The following TYW1B variants were observed in gnomAD, a reference collection of about 807,000 sequenced individuals.
The protein encoded by TYW1B is tRNA-yW synthesizing protein 1 homolog B, also known as S-adenosyl-L-methionine-dependent tRNA 4-demethylwyosine synthase TYW1B.
TYW1B carries 73 observed loss-of-function variants against 86.9 expected under a neutral mutation model. The ratio of observed to expected loss-of-function variants is 0.84; its 90% CI spans 0.70 to 1.02. TYW1B has a LOEUF of 1.02. TYW1B is among the 50% of genes least tolerant of loss of function. The pLI is 0.00. For synonymous variants in TYW1B, 248 were observed against 292.8 expected, an observed-to-expected ratio of 0.85 and a Z score of 1.56; for missense variants, 637 against 827.4, an observed-to-expected ratio of 0.77 and a Z score of 2.82.
intron 6 of TYW1B, among the ~76,000 whole-genome samples, chr7:72,783,926 TG>T (rs1788088259): frequency 6.6e-6 from 1 of 152,214 alleles, no homozygotes; most frequent in African/African-American, 2.4e-5. Flanking sequence ...ACTAGCTTCC[TG>T]TTATTCCACT....
chr7:72,741,223 G>A (rs542373928), intron 8 of TYW1B, among the ~76,000 whole-genome samples: 1 of 152,196 alleles, frequency 6.6e-6, no homozygotes, highest in South Asian at 2.1e-4. Context: ...ACAAAGAGAT[G>A]AAGGAAACCA....
chr7:72,814,136 C>G (rs1375431455), intron 3 of TYW1B, among the ~76,000 whole-genome samples: 1 of 152,062 alleles, frequency 6.6e-6, no homozygotes, highest in South Asian at 2.1e-4. Flanking sequence ...CATGGCCTAC[C>G]AGCATAGCAC....
At chr7:72,676,235 C>T (rs1813732151) in intron 11 of TYW1B, among the ~76,000 whole-genome samples, 1 of 152,096 alleles carries the variant, frequency 6.6e-6, no homozygotes, top group Admixed American at 6.6e-5. Flanking sequence ...CTTCAATTTC[C>T]TCGTCTGTAA....
intron 11 of TYW1B, among the ~76,000 whole-genome samples, chr7:72,634,045 T>C: frequency 6.6e-6 from 1 of 152,164 alleles, no homozygotes; most frequent in East Asian, 1.9e-4. Flanking sequence ...TGTGTCACCA[T>C]AAATACATCT....
At chr7:72,591,259 C>T (rs575059264) in intron 13 of TYW1B, among the ~76,000 whole-genome samples, 15 of 151,842 alleles carry the variant, frequency 9.9e-5, no homozygotes, top group Admixed American at 2.6e-4. Context: ...AGACAGAAGA[C>T]GACAGAGAGA....
At chr7:72,784,275 C>T (rs1554472083) in intron 6 of TYW1B, among the ~76,000 whole-genome samples, 2 of 152,182 alleles carry the variant, frequency 1.3e-5, no homozygotes. Context: ...TTCTGAGAAC[C>T]ACTCCTCCCT....
intron 6 of TYW1B, among the ~76,000 whole-genome samples, chr7:72,788,256 G>A (rs541906140): frequency 2.9e-4 from 44 of 152,200 alleles, no homozygotes; most frequent in African/African-American, 9.4e-4. Flanking sequence ...TGGGATTACA[G>A]GAGTGAGCCA....
intron 11 of TYW1B, among the ~76,000 whole-genome samples, chr7:72,677,506 G>A (rs1257084311): frequency 6.6e-6 from 1 of 152,018 alleles, no homozygotes; most frequent in Non-Finnish European, 1.5e-5. Context: ...TGGAACATTT[G>A]TCTCCTGATT....
intron 13 of TYW1B, among the ~76,000 whole-genome samples, chr7:72,588,525 C>G (rs1554430859): frequency 3.9e-5 from 6 of 152,180 alleles, no homozygotes; most frequent in Non-Finnish European, 2.9e-5. Context: ...TTCTTCCCCT[C>G]CCTTCACAGA....
chr7:72,623,456 C>T (rs782637980), intron 12 of TYW1B, among the ~76,000 whole-genome samples: 9 of 152,090 alleles, frequency 5.9e-5, no homozygotes, highest in African/African-American at 1.9e-4. Context: ...TTTTACCAAG[C>T]GCACGGGTAC....
Position 72,634,571 on chromosome 7 carries a change from T to C in TYW1B, c.1507-5574A>G, listed in dbSNP as rs1274944204. 4.0e-5 allele frequency among the ~76,000 whole-genome samples: 6 copies of C among 150,450 alleles called. No individual in the cohort carries two copies. The Admixed American group carries it at 4.0e-4, about 10-fold the overall frequency. On this transcript the variant is annotated intron_variant, in intron 11 of 13. Transcript: ENST00000620995. ...CATGCTGGGTCATGGGGGATATGTA[T>C]ACATTCGACCTTAGCAGATATTGGC...
intron 13 of TYW1B, among the ~76,000 whole-genome samples, chr7:72,605,819 C>T (rs1811781615): frequency 6.6e-6 from 1 of 152,166 alleles, no homozygotes; most frequent in South Asian, 2.1e-4. Context: ...AACTGGACAA[C>T]ACCTTTCAAT....
Position 72,828,056 on chromosome 7 carries a change from C to T in TYW1B, c.4+16G>A, listed in dbSNP as rs368738233. The T allele has an allele frequency of 7.4e-6, 12 of 1,613,888 alleles. 1 individual carries two copies. Among genetic ancestry groups the T allele is most frequent in the East Asian group, 2.2e-5 (1 of 44,870 alleles). ...CCCCTGCCGCCCCAGGGTCCTTGCC[C>T]GCCGAGTGCCCTTACCCATCCTCCT... On this transcript the variant is annotated intron_variant, in intron 1 of 13. Coordinates refer to ENST00000620995, the MANE Select transcript of TYW1B (RefSeq NM_001145440.3).
chr7:72,653,249 A>G (rs1554443085), intron 11 of TYW1B, among the ~76,000 whole-genome samples: 2 of 152,354 alleles, frequency 1.3e-5, no homozygotes, highest in East Asian at 3.9e-4. Flanking sequence ...ATAAAATTAC[A>G]TTAACAAACT....
Position 72,574,702 on chromosome 7 carries a change from G to A in TYW1B, c.*796C>T, listed in dbSNP as rs369318754. On this transcript the variant is annotated 3_prime_UTR_variant, in exon 14 of 14. Coordinates refer to ENST00000620995, the MANE Select transcript of TYW1B (RefSeq NM_001145440.3). Reference sequence around the variant, plus strand: ...GAAGATGGAGACCCGCCGTCTGGTCGTGATATGAGAGGCCCGGACAGTGAC... The same window carrying A: ...GAAGATGGAGACCCGCCGTCTGGTCATGATATGAGAGGCCCGGACAGTGAC... 1.2e-4 allele frequency: 117 copies of A among 985,414 alleles called. 2 individuals are homozygous for A. In the East Asian group the frequency reaches 6.5e-3, roughly 54 times the overall value. The allele number at this position is 985,414 out of a possible 1,614,324, so 61.0% of individuals were successfully genotyped here.
At chr7:72,597,559 G>A (rs1463009314) in intron 13 of TYW1B, among the ~76,000 whole-genome samples, 3 of 151,756 alleles carry the variant, frequency 2.0e-5, no homozygotes, top group Non-Finnish European at 2.9e-5. Context: ...GACACACCTC[G>A]TCTATGGCGG....
chr7:72,613,677 G>A (rs1400536253), intron 13 of TYW1B, among the ~76,000 whole-genome samples: 9 of 152,026 alleles, frequency 5.9e-5, no homozygotes, highest in Non-Finnish European at 1.3e-4. Context: ...CTCCCAAAGT[G>A]CTGGGATTAC....
At chr7:72,665,830 G>C (rs1813449151) in intron 11 of TYW1B, among the ~76,000 whole-genome samples, 1 of 152,124 alleles carries the variant, frequency 6.6e-6, no homozygotes, top group Non-Finnish European at 1.5e-5. Context: ...AATATTTGTT[G>C]AGTGAATGAA....
chr7:72,714,260 GCTTCATACTGGAATACTTCATAATTCATA>G (rs1786733103), intron 9 of TYW1B, among the ~76,000 whole-genome samples: 1 of 151,866 alleles, frequency 6.6e-6, no homozygotes, highest in Non-Finnish European at 1.5e-5. Flanking sequence ...CTTATCTTTG[GCTTCATACTGGAATACTTCATAATTCATA>G]CTTCATACTG....
Sources: gnomAD v4.1 joint callset for allele counts (sites outside exome capture counted in the v4.1 genomes callset) on GRCh38, gnomAD v4.1.1 for gene constraint, MANE v1.5 for transcripts, NCBI Gene and HGNC (gene_info 2026-07-23, HGNC 2026-07-21) for gene names.